The following SPAG16 variants were observed in gnomAD, a reference collection of about 807,000 sequenced individuals.
SPAG16 encodes the protein sperm associated antigen 16.
A neutral mutation model predicts 80.4 loss-of-function variants in SPAG16; 86 were observed. The observed-to-expected ratio is 1.07, with a 90% CI of 0.90 to 1.28. The LOEUF is 1.28. SPAG16 is among the 50% of genes most tolerant of loss of function. The pLI is 0.00. For synonymous variants in SPAG16, 294 were observed against 265.9 expected, an observed-to-expected ratio of 1.11 and a Z score of -1.03; for missense variants, 870 against 765.3, an observed-to-expected ratio of 1.14 and a Z score of -1.61.
intron 11 of SPAG16, among the ~76,000 whole-genome samples, chr2:213,885,488 C>G (rs1462097323): frequency 6.6e-6 from 1 of 152,160 alleles, no homozygotes; most frequent in Non-Finnish European, 1.5e-5. Context: ...ATCATATCTA[C>G]TAGTTTATCA....
intron 10 of SPAG16, among the ~76,000 whole-genome samples, chr2:213,553,439 A>G (rs1267553295): frequency 1.3e-5 from 2 of 152,154 alleles, no homozygotes. Context: ...TGTGGTTACC[A>G]GTATCCTGGT....
chr2:214,217,443 T>C (rs948875912), intron 15 of SPAG16, among the ~76,000 whole-genome samples: 2 of 152,254 alleles, frequency 1.3e-5, no homozygotes, highest in Non-Finnish European at 2.9e-5. Flanking sequence ...CCTCTGACTA[T>C]GTTATGCCGA....
chr2:213,652,242 G>A (rs1417737585), intron 10 of SPAG16, among the ~76,000 whole-genome samples: 1 of 152,092 alleles, frequency 6.6e-6, no homozygotes, highest in Non-Finnish European at 1.5e-5. Context: ...AATAGTGCTT[G>A]TCTCATTATG....
At chr2:213,507,697 C>T (rs1283343366) in intron 10 of SPAG16, among the ~76,000 whole-genome samples, 1 of 152,190 alleles carries the variant, frequency 6.6e-6, no homozygotes, top group Non-Finnish European at 1.5e-5. Flanking sequence ...TTGAAACTCA[C>T]CTTTGATTTC....
chr2:213,309,101 G>C (rs111521218), intron 3 of SPAG16, among the ~76,000 whole-genome samples: 23 of 152,098 alleles, frequency 1.5e-4, no homozygotes, highest in African/African-American at 5.5e-4. Context: ...TTTTACCTGT[G>C]GTATCATGTT....
At chr2:213,853,853 G>T (rs1381869644) in intron 10 of SPAG16, among the ~76,000 whole-genome samples, 1 of 152,152 alleles carries the variant, frequency 6.6e-6, no homozygotes, top group African/African-American at 2.4e-5. Flanking sequence ...GTCATTTTAT[G>T]GTTACAAGAG....
At chr2:213,661,903 A>G (rs1351642901) in intron 10 of SPAG16, among the ~76,000 whole-genome samples, 1 of 152,198 alleles carries the variant, frequency 6.6e-6, no homozygotes, top group African/African-American at 2.4e-5. Context: ...AGAAGTATAT[A>G]TACCATCTTT....
intron 9 of SPAG16, among the ~76,000 whole-genome samples, chr2:213,477,103 G>T (rs2073444124): frequency 6.6e-6 from 1 of 152,110 alleles, no homozygotes; most frequent in Admixed American, 6.6e-5. Flanking sequence ...TGGGTTAAAA[G>T]GCATCATTCA....
At chr2:213,593,894 C>T (rs893659871) in intron 10 of SPAG16, among the ~76,000 whole-genome samples, 1 of 150,900 alleles carries the variant, frequency 6.6e-6, no homozygotes, top group African/African-American at 2.4e-5. Flanking sequence ...CCTGCCTCAG[C>T]CTCCAGAGTA....
intron 10 of SPAG16, among the ~76,000 whole-genome samples, chr2:213,796,108 A>AT: frequency 6.6e-6 from 1 of 152,250 alleles, no homozygotes; most frequent in East Asian, 1.9e-4. Flanking sequence ...ATGGTTAAAA[A>AT]TTTTTATTAC....
At position 213,705,851 on chromosome 2, in the gene SPAG16, C is replaced by T. The variant is rs1298973084; in HGVS notation, c.1071-156634C>T. On this transcript the variant is annotated intron_variant, in intron 10 of 15. Coordinates refer to ENST00000331683, the MANE Select transcript of SPAG16 (RefSeq NM_024532.5). ...AGCATTAAGCAAGCTCCCAATGAAA[C>T]CAAGTTTTCTTTTTAAAAATCCTAC... 3.9e-5 allele frequency among the ~76,000 whole-genome samples: 6 copies of T among 152,046 alleles called. No individual in the cohort carries two copies. In the East Asian group the frequency reaches 9.7e-4, roughly 25 times the overall value.
intron 11 of SPAG16, among the ~76,000 whole-genome samples, chr2:213,889,646 CACATAT>C (rs1490846005): frequency 6.7e-6 from 1 of 149,342 alleles, no homozygotes; most frequent in South Asian, 2.1e-4. Flanking sequence ...TATACACACA[CACATAT>C]ATACATATAC....
At position 214,326,944 on chromosome 2, in the gene SPAG16, CAAAAAAA is replaced by C. The variant is rs5838428; in HGVS notation, c.1721-83177_1721-83171del. 4.5e-4 allele frequency among the ~76,000 whole-genome samples: 29 copies of C among 64,474 alleles called. No individual in the cohort carries two copies. The South Asian group carries it at 0.024, about 53-fold the overall frequency. 42.3% of individuals were successfully genotyped at this position (64,474 alleles called of 152,430 possible). ...TGGGCGACAGAGTGAGACTAAGTCTCAAAAAAAAAAAAAAAAAAAAAAAAAGTCACTA... is the reference window on the plus strand; with the variant it reads ...TGGGCGACAGAGTGAGACTAAGTCTCAAAAAAAAAAAAAAAAAAGTCACTA... On this transcript the variant is annotated intron_variant, in intron 15 of 15. Transcript: ENST00000331683.
At chr2:213,957,109 G>A (rs935947021) in intron 12 of SPAG16, among the ~76,000 whole-genome samples, 1 of 151,912 alleles carries the variant, frequency 6.6e-6, no homozygotes, top group Non-Finnish European at 1.5e-5. Context: ...CTGCTGGTAT[G>A]TTGAGTGCTC....
chr2:213,513,026 T>C (rs2075286740), intron 10 of SPAG16, among the ~76,000 whole-genome samples: 1 of 152,172 alleles, frequency 6.6e-6, no homozygotes, highest in Non-Finnish European at 1.5e-5. Context: ...TAATGGAGTC[T>C]GGTTGTAATG....
At chr2:214,399,780 T>C (rs545286994) in intron 15 of SPAG16, among the ~76,000 whole-genome samples, 84 of 152,236 alleles carry the variant, frequency 5.5e-4, no homozygotes, top group Non-Finnish European at 1.1e-3. Flanking sequence ...TATCATAGTC[T>C]ATGATTTGCT....
At chr2:213,622,325 C>G (rs1456544065) in intron 10 of SPAG16, among the ~76,000 whole-genome samples, 1 of 152,210 alleles carries the variant, frequency 6.6e-6, no homozygotes, top group East Asian at 1.9e-4. Flanking sequence ...CATCAGATCA[C>G]CATGTCCAGA....
chr2:214,284,443 G>T (rs546052366), intron 15 of SPAG16, among the ~76,000 whole-genome samples: 2 of 152,180 alleles, frequency 1.3e-5, no homozygotes, highest in Admixed American at 6.5e-5. Flanking sequence ...CTAACTACTT[G>T]GTTGAGCATT....
At chr2:213,373,027 T>C (rs2066717870) in intron 8 of SPAG16, among the ~76,000 whole-genome samples, 1 of 152,216 alleles carries the variant, frequency 6.6e-6, no homozygotes, top group South Asian at 2.1e-4. Flanking sequence ...CTGTTTGTTT[T>C]ATCTCAAGAA....
Sources: gnomAD v4.1 joint callset for allele counts (sites outside exome capture counted in the v4.1 genomes callset) on GRCh38, gnomAD v4.1.1 for gene constraint, MANE v1.5 for transcripts, NCBI Gene and HGNC (gene_info 2026-07-23, HGNC 2026-07-21) for gene names.